The following IMMP2L variants were observed in gnomAD, a reference collection of about 807,000 sequenced individuals.
The protein encoded by IMMP2L is mitochondrial inner membrane protease subunit 2.
In IMMP2L, 18 loss-of-function variants were observed where a neutral mutation model predicts 19.3. The observed-to-expected ratio is 0.93, with a 90% CI of 0.64 to 1.38. The LOEUF is 1.38. IMMP2L is among the 40% of genes most tolerant of loss of function. IMMP2L has a pLI of 0.00. For missense variants in IMMP2L, 233 were observed against 218.2 expected, an observed-to-expected ratio of 1.07 and a Z score of -0.43; for synonymous variants, 76 against 73.0, an observed-to-expected ratio of 1.04 and a Z score of -0.21.
At chr7:111,281,043 C>T (rs1462742192) in intron 3 of IMMP2L, among the ~76,000 whole-genome samples, 2 of 149,142 alleles carry the variant, frequency 1.3e-5, no homozygotes, top group African/African-American at 5.0e-5. Context: ...GCACTCCAGC[C>T]TGGGCAACAG....
intron 3 of IMMP2L, among the ~76,000 whole-genome samples, chr7:111,391,603 T>G (rs1341101791): frequency 1.3e-5 from 2 of 152,284 alleles, no homozygotes; most frequent in Admixed American, 1.3e-4. Flanking sequence ...ACACTCAGAT[T>G]GCTTTGTAAG....
chr7:110,871,962 G>A (rs1202734551), intron 5 of IMMP2L, among the ~76,000 whole-genome samples: 1 of 152,016 alleles, frequency 6.6e-6, no homozygotes, highest in Non-Finnish European at 1.5e-5. Flanking sequence ...GAATAGCCAA[G>A]CAAAGTCTAC....
At chr7:110,875,277 G>T (rs1350562254) in intron 5 of IMMP2L, among the ~76,000 whole-genome samples, 1 of 152,002 alleles carries the variant, frequency 6.6e-6, no homozygotes, top group Non-Finnish European at 1.5e-5. Context: ...AAAAACAATG[G>T]CCCAGTGAAA....
chr7:111,384,277 A>G (rs112884628), intron 3 of IMMP2L, among the ~76,000 whole-genome samples: 3,670 of 145,792 alleles, frequency 0.025, 174 homozygotes, highest in African/African-American at 0.091. Context: ...AGAGAGGAGA[A>G]AGGAGAAAGG....
intron 3 of IMMP2L, among the ~76,000 whole-genome samples, chr7:111,301,796 C>T (rs1191672562): frequency 6.6e-6 from 1 of 151,878 alleles, no homozygotes; most frequent in African/African-American, 2.4e-5. Context: ...GTTTCATATA[C>T]TATGCCATTG....
intron 1 of IMMP2L, 71 bp from the exon 2 acceptor site, chr7:111,521,520 A>G (rs985839300): frequency 3.6e-6 from 5 of 1,404,820 alleles, no homozygotes; most frequent in Non-Finnish European, 4.8e-6. Context: ...TAAAAACAGT[A>G]CATGAAAAGT....
At chr7:110,793,815 C>A in intron 5 of IMMP2L, among the ~76,000 whole-genome samples, 1 of 152,026 alleles carries the variant, frequency 6.6e-6, no homozygotes, top group Admixed American at 6.5e-5. Context: ...TGTGTATATG[C>A]ATATCAAAAC....
chr7:110,682,232 C>T (rs1443374263), intron 5 of IMMP2L, among the ~76,000 whole-genome samples: 3 of 152,126 alleles, frequency 2.0e-5, no homozygotes, highest in African/African-American at 7.2e-5. Flanking sequence ...TGCTCTTTAC[C>T]TTGATAACTC....
At chr7:111,407,714 A>G (rs1264693250) in intron 3 of IMMP2L, among the ~76,000 whole-genome samples, 2 of 152,094 alleles carry the variant, frequency 1.3e-5, no homozygotes, top group African/African-American at 4.8e-5. Flanking sequence ...AAACATTCCA[A>G]AATTGGATTA....
At chr7:111,074,634 G>C (rs1443375936) in intron 3 of IMMP2L, among the ~76,000 whole-genome samples, 1 of 152,156 alleles carries the variant, frequency 6.6e-6, no homozygotes, top group Non-Finnish European at 1.5e-5. Flanking sequence ...CACAGACACA[G>C]CTGGAAACCA....
chr7:110,742,826 T>G (rs1477540942), intron 5 of IMMP2L, among the ~76,000 whole-genome samples: 1 of 151,554 alleles, frequency 6.6e-6, no homozygotes, highest in Admixed American at 6.6e-5. Flanking sequence ...CATCATAAAA[T>G]GCCCAACATT....
chr7:111,046,368 C>A (rs998376383), intron 3 of IMMP2L, among the ~76,000 whole-genome samples: 1 of 151,782 alleles, frequency 6.6e-6, no homozygotes, highest in Admixed American at 6.6e-5. Context: ...TATTGAGAAG[C>A]TCCAACATAT....
At chr7:111,068,823 C>T (rs1340455459) in intron 3 of IMMP2L, among the ~76,000 whole-genome samples, 1 of 152,144 alleles carries the variant, frequency 6.6e-6, no homozygotes, top group Non-Finnish European at 1.5e-5. Flanking sequence ...TGAGATCATT[C>T]TAATAATTTT....
At chr7:111,322,407 T>A (rs1241272834) in intron 3 of IMMP2L, among the ~76,000 whole-genome samples, 1 of 151,888 alleles carries the variant, frequency 6.6e-6, no homozygotes. Flanking sequence ...AATATCAGCA[T>A]AATATTATAC....
chr7:111,488,174 T>C (rs529907266), intron 2 of IMMP2L, among the ~76,000 whole-genome samples: 13 of 152,278 alleles, frequency 8.5e-5, no homozygotes, highest in African/African-American at 2.9e-4. Context: ...TTCACTGTTT[T>C]TTAAATTTTT....
intron 4 of IMMP2L, among the ~76,000 whole-genome samples, chr7:110,938,910 T>C (rs1399872295): frequency 6.6e-6 from 1 of 152,196 alleles, no homozygotes. Flanking sequence ...TCATGAAGTT[T>C]GAATATACCA....
rs533278525 is a variant in IMMP2L at position 110,904,939 on chromosome 7, C to G, written c.306-18244G>C. Among the ~76,000 whole-genome samples, 34 of 152,150 alleles carry G rather than the reference C, an allele frequency of 2.2e-4. No individual in the cohort carries two copies. In the South Asian group the frequency reaches 4.8e-3, roughly 21 times the overall value. On this transcript the variant is annotated intron_variant, in intron 4 of 5. Transcript: ENST00000405709. ...TGTTTCACCCTTATCAAAAATCATC[C>G]CACTTAGATAATAAATGCTTACAAT...
chr7:111,331,004 T>C (rs890888504), intron 3 of IMMP2L, among the ~76,000 whole-genome samples: 3 of 151,974 alleles, frequency 2.0e-5, no homozygotes, highest in African/African-American at 7.2e-5. Context: ...ATATCGATTA[T>C]GAAAAACTGT....
intron 3 of IMMP2L, among the ~76,000 whole-genome samples, chr7:111,041,797 G>A (rs1297642889): frequency 6.6e-6 from 1 of 152,116 alleles, no homozygotes; most frequent in Non-Finnish European, 1.5e-5. Flanking sequence ...TAGACATCAG[G>A]TGTCCCGCAT....
Sources: gnomAD v4.1 joint callset for allele counts (sites outside exome capture counted in the v4.1 genomes callset) on GRCh38, gnomAD v4.1.1 for gene constraint, MANE v1.5 for transcripts, NCBI Gene and HGNC (gene_info 2026-07-23, HGNC 2026-07-21) for gene names.